The following CNTNAP2 variants were observed in gnomAD, a reference collection of about 807,000 sequenced individuals.
CNTNAP2 encodes contactin associated protein 2.
A neutral mutation model predicts 155.2 loss-of-function variants in CNTNAP2; 98 were observed. The observed-to-expected ratio is 0.63, with a 90% confidence interval of 0.54 to 0.75. The LOEUF is 0.75. Among genes scored for constraint, CNTNAP2 ranks in the 30% least tolerant of loss-of-function variants. The pLI, the probability that CNTNAP2 is intolerant of heterozygous loss-of-function variation, is 0.00. For missense variants in CNTNAP2, 1,727 were observed against 1,688.1 expected (o/e 1.02, Z -0.40); for synonymous variants, 651 against 631.2 (o/e 1.03, Z -0.47).
At chr7:147,033,812 A>C (rs74969810) in intron 3 of CNTNAP2, among the ~76,000 whole-genome samples, 5 of 152,000 alleles carry the variant, frequency 3.3e-5, no homozygotes, top group African/African-American at 7.2e-5. Context: ...AAAAAAAAAA[A>C]AACACAGGAT....
At chr7:147,355,809 G>T (rs1248010506) in intron 9 of CNTNAP2, among the ~76,000 whole-genome samples, 1 of 151,880 alleles carries the variant, frequency 6.6e-6, no homozygotes, top group Admixed American at 6.6e-5. Context: ...TACCAACCAA[G>T]AAAAGCCAAG....
chr7:146,133,590 A>G (rs1451439076), intron 1 of CNTNAP2, among the ~76,000 whole-genome samples: 3 of 152,086 alleles, frequency 2.0e-5, no homozygotes, highest in South Asian at 2.1e-4. Context: ...TGATTTTTGT[A>G]TAAGGTGTAA....
At chr7:147,814,274 AC>A (rs1798231073) in intron 13 of CNTNAP2, among the ~76,000 whole-genome samples, 1 of 152,202 alleles carries the variant, frequency 6.6e-6, no homozygotes. Flanking sequence ...TACATTAGTA[AC>A]ATCCCATTAA....
rs10239180 is a variant in CNTNAP2 at position 147,243,038 on chromosome 7, G to A, written c.1349-57103G>A. 3.3e-3 allele frequency among the ~76,000 whole-genome samples: 314 copies of A among 93,876 alleles called. 1 individual carries two copies. The highest frequency in any genetic ancestry group is 0.013 in the African/African-American group (290 of 22,374). The allele number at this position is 93,876 out of a possible 152,430, so 61.6% of individuals were successfully genotyped here. A position where few individuals can be genotyped will look rare whatever the true frequency, so the allele number is the denominator to read the frequency against. ...TTTTGAGAGGGAGTCTTGTTCTGTC[G>A]CCAGGCTGGAGTGCAGTGGTGCGAT... On this transcript the variant is annotated intron_variant, in intron 8 of 23. Coordinates refer to ENST00000361727, the MANE Select transcript of CNTNAP2 (RefSeq NM_014141.6).
chr7:147,352,456 A>G (rs1795983589), intron 9 of CNTNAP2, among the ~76,000 whole-genome samples: 1 of 152,008 alleles, frequency 6.6e-6, no homozygotes, highest in Admixed American at 6.6e-5. Flanking sequence ...TAAATGGCAT[A>G]TTCAATAAAA....
chr7:146,707,102 A>G (rs1800980170), intron 1 of CNTNAP2, among the ~76,000 whole-genome samples: 1 of 152,108 alleles, frequency 6.6e-6, no homozygotes, highest in Admixed American at 6.6e-5. Context: ...ATTATTCTGT[A>G]CTATCTATTG....
chr7:146,841,315 A>C (rs1803717842), intron 3 of CNTNAP2, among the ~76,000 whole-genome samples: 1 of 142,906 alleles, frequency 7.0e-6, no homozygotes, highest in Non-Finnish European at 1.5e-5. Context: ...AATTTGAAAG[A>C]GTTGCCCTTA....
intron 1 of CNTNAP2, among the ~76,000 whole-genome samples, chr7:146,429,526 T>G (rs1276108217): frequency 6.6e-6 from 1 of 152,112 alleles, no homozygotes; most frequent in Non-Finnish European, 1.5e-5. Context: ...TGCTCTCTAG[T>G]TTCCTGTTGT....
intron 12 of CNTNAP2, among the ~76,000 whole-genome samples, chr7:147,619,373 A>G (rs73468970): frequency 0.09 from 13,698 of 152,242 alleles, 1,710 homozygotes; most frequent in African/African-American, 0.26. Context: ...GTGTAAATAC[A>G]TGTTTTGTTC....
At chr7:147,029,501 G>C (rs1798986452) in intron 3 of CNTNAP2, among the ~76,000 whole-genome samples, 1 of 151,034 alleles carries the variant, frequency 6.6e-6, no homozygotes, top group African/African-American at 2.4e-5. Flanking sequence ...GCAGTGAAAG[G>C]GAATAGAAAA....
At chr7:147,185,193 G>A (rs1802539904) in intron 8 of CNTNAP2, among the ~76,000 whole-genome samples, 1 of 151,494 alleles carries the variant, frequency 6.6e-6, no homozygotes, top group Admixed American at 6.6e-5. Flanking sequence ...ATAGAAAGAA[G>A]TAATATAAAT....
intron 1 of CNTNAP2, among the ~76,000 whole-genome samples, chr7:146,326,622 G>A (rs1226190049): frequency 6.6e-6 from 1 of 152,190 alleles, no homozygotes; most frequent in Non-Finnish European, 1.5e-5. Flanking sequence ...CACAGCCGCA[G>A]GAAGCTATTA....
At position 148,415,718 on chromosome 7, in the gene CNTNAP2, T is replaced by C. The variant is rs1029950540; in HGVS notation, c.*102T>C. On this transcript the variant is annotated 3_prime_UTR_variant, in exon 24 of 24. Transcript: ENST00000361727. ...CATACTCTTGAGCACATCCTTAAAA[T>C]ATCAGCACAAGTTGGGGGAGGCAGG... 10 of 1,335,456 alleles carry C rather than the reference T, an allele frequency of 7.5e-6. No individual in the cohort carries two copies. The highest frequency in any genetic ancestry group is 2.9e-5 in the African/African-American group (2 of 68,556). The allele number at this position is 1,335,456 out of a possible 1,614,324, so 82.7% of individuals were successfully genotyped here.
chr7:146,771,633 G>A (rs1489728123), intron 1 of CNTNAP2, among the ~76,000 whole-genome samples: 1 of 152,046 alleles, frequency 6.6e-6, no homozygotes, highest in East Asian at 1.9e-4. Context: ...ATTTCACAGA[G>A]GCACGCAGTA....
At chr7:148,239,042 TGCTCTTG>T (rs1796096766) in intron 20 of CNTNAP2, among the ~76,000 whole-genome samples, 1 of 73,274 alleles carries the variant, frequency 1.4e-5, no homozygotes, top group Non-Finnish European at 3.2e-5. Flanking sequence ...CCTAGGGCAC[TGCTCTTG>T]AAATTACATT....
At chr7:147,409,184 G>C (rs1563193751) in intron 10 of CNTNAP2, among the ~76,000 whole-genome samples, 1 of 152,152 alleles carries the variant, frequency 6.6e-6, no homozygotes, top group Non-Finnish European at 1.5e-5. Context: ...AGCAGCAATT[G>C]AGCAATAGAG....
chr7:147,764,428 A>T (rs151040057), intron 13 of CNTNAP2, among the ~76,000 whole-genome samples: 1 of 152,144 alleles, frequency 6.6e-6, no homozygotes, highest in African/African-American at 2.4e-5. Context: ...GGCATTTTCA[A>T]TCCTCCCTGA....
chr7:146,721,301 ATG>A (rs1189536873), intron 1 of CNTNAP2, among the ~76,000 whole-genome samples: 90 of 104,914 alleles, frequency 8.6e-4, no homozygotes, highest in African/African-American at 1.8e-3. Context: ...TATTCTATAT[ATG>A]TATTCTATAT....
intron 20 of CNTNAP2, among the ~76,000 whole-genome samples, chr7:148,245,590 T>C (rs922873757): frequency 3.9e-5 from 6 of 152,132 alleles, no homozygotes; most frequent in African/African-American, 7.2e-5. Flanking sequence ...CTCTGGAAGA[T>C]TGACGGAAGA....
Sources: allele counts gnomAD v4.1 joint callset (sites outside exome capture counted in the v4.1 genomes callset), GRCh38; gene constraint gnomAD v4.1.1; transcripts MANE v1.5; gene names NCBI Gene and HGNC (gene_info 2026-07-23, HGNC 2026-07-21).